The following CLDN14 variants were observed in gnomAD, a reference collection of about 807,000 sequenced individuals.
CLDN14 encodes the protein claudin 14.
In CLDN14, 2 loss-of-function variants were observed where a neutral mutation model predicts 2.1. The ratio of observed to expected loss-of-function variants is 0.96; its 90% CI spans 0.39 to 3.01. The LOEUF (loss-of-function observed/expected upper bound fraction) is 3.01. CLDN14 is among the 30% of genes most tolerant of loss of function. CLDN14 has a pLI of 0.09. For synonymous variants in CLDN14, 136 were observed against 154.4 expected (o/e 0.88, Z 0.88); for missense variants, 298 against 328.0 (o/e 0.91, Z 0.71).
intron 1 of CLDN14, among the ~76,000 whole-genome samples, chr21:36,464,051 G>A (rs555405846): frequency 7.9e-5 from 12 of 152,324 alleles, no homozygotes. Flanking sequence ...AGTGTTGGAG[G>A]AAGGGCCTGG....
rs1372614217 is a variant in CLDN14 at position 36,551,985 on chromosome 21, G to A, written c.-220+24426C>T. ...TAGGAAAGGAGGTGGTTTCATGTGA[G>A]ATTTCTACAGTTTGCTAACAGTAAA... On this transcript the variant is annotated intron_variant, in intron 1 of 2. Transcript: ENST00000342108. This position sits in a 1 kb window ranked among gnomAD's most constrained non-coding sequence, Gnocchi z 4.8. 6.6e-6 allele frequency among the ~76,000 whole-genome samples: 1 copy of A among 152,148 alleles called. No homozygotes were observed. Among genetic ancestry groups the A allele is most frequent in the Non-Finnish European group, 1.5e-5 (1 of 68,032 alleles).
intron 1 of CLDN14, among the ~76,000 whole-genome samples, chr21:36,568,272 C>G (rs116961326): frequency 1.3e-5 from 2 of 152,178 alleles, no homozygotes; most frequent in East Asian, 1.9e-4. Flanking sequence ...ACATGGGATG[C>G]CCTGCTCAGA....
chr21:36,471,844 G>T (rs998921335), intron 1 of CLDN14, among the ~76,000 whole-genome samples: 1 of 3,080 alleles, frequency 3.2e-4, no homozygotes, highest in Non-Finnish European at 7.0e-4. Context: ...TGGTTAAAAT[G>T]TGTCAAATGA....
At chr21:36,563,757 C>G (rs1354609330) in intron 1 of CLDN14, among the ~76,000 whole-genome samples, 3 of 152,162 alleles carry the variant, frequency 2.0e-5, no homozygotes, top group Admixed American at 2.0e-4. Flanking sequence ...AGCCTTTTGG[C>G]AGACAGGGCT....
At chr21:36,517,740 G>A (rs1386653145) in intron 1 of CLDN14, among the ~76,000 whole-genome samples, 2 of 152,334 alleles carry the variant, frequency 1.3e-5, no homozygotes, top group East Asian at 3.9e-4. Context: ...AACTTGGCTA[G>A]GCCATGGTGC....
intron 1 of CLDN14, among the ~76,000 whole-genome samples, chr21:36,519,483 G>T (rs1480907873): frequency 6.6e-6 from 1 of 152,172 alleles, no homozygotes; most frequent in Non-Finnish European, 1.5e-5. Context: ...GGCTGAGGCG[G>T]GTGGATCACC....
At chr21:36,481,739 C>T (rs1219294538), upstream of CLDN14, among the ~76,000 whole-genome samples, 3 of 152,184 alleles carry the variant, frequency 2.0e-5, no homozygotes. Flanking sequence ...GTGACCCTGG[C>T]CCAAGGCTCC....
rs911535960 is a variant in CLDN14 at position 36,479,998 on chromosome 21, T to C, written c.-585A>G. The C allele has an allele frequency of 6.6e-6, 1 of 152,326 alleles. No individual in the cohort carries two copies. Among genetic ancestry groups the C allele is most frequent in the Non-Finnish European group, 1.5e-5 (1 of 68,138 alleles). The allele number at this position is 152,326 out of a possible 1,614,324, so 9.4% of individuals were successfully genotyped here. Reference sequence around the variant, plus strand: ...CCTGTGTCCTGGAACTGCCTGATTGTTGTAGATTACTAAAAATCCACAGCT... The same window carrying C: ...CCTGTGTCCTGGAACTGCCTGATTGCTGTAGATTACTAAAAATCCACAGCT... On this transcript the variant is annotated 5_prime_UTR_variant, in exon 1 of 2. Coordinates refer to ENST00000399135, the MANE Select transcript of CLDN14 (RefSeq NM_001146079.2).
chr21:36,490,489 A>G (rs184756976), intron 2 of CLDN14, among the ~76,000 whole-genome samples: 116 of 149,846 alleles, frequency 7.7e-4, no homozygotes, highest in Middle Eastern at 3.5e-3. Context: ...CCTGGGTTCA[A>G]GTGATTCTCC....
At chr21:36,567,464 A>G (rs2087681184) in intron 1 of CLDN14, among the ~76,000 whole-genome samples, 1 of 152,226 alleles carries the variant, frequency 6.6e-6, no homozygotes, top group Admixed American at 6.5e-5. Flanking sequence ...ATGTCTATTC[A>G]CATATTCTGA....
Position 36,479,993 on chromosome 21 carries a change from G to A in CLDN14, c.-580C>T, listed in dbSNP as rs1331924384. 1 of 152,298 alleles carries A rather than the reference G, an allele frequency of 6.6e-6. No individual in the cohort carries two copies. 9.4% of individuals were successfully genotyped at this position (152,298 alleles called of 1,614,324 possible). A position where few individuals can be genotyped will look rare whatever the true frequency, so the allele number is the denominator to read the frequency against. The stretch of plus-strand genomic sequence containing the variant: ...ACTTCCCTGTGTCCTGGAACTGCCT[G>A]ATTGTTGTAGATTACTAAAAATCCA... On this transcript the variant is annotated 5_prime_UTR_variant, in exon 1 of 2. An upstream open reading frame in the 5' UTR gains an earlier in-frame stop. Transcript: ENST00000399135.
In CLDN14 at chr21:36,461,668, C is replaced by A. The variant is rs772295911; in HGVS notation, c.28G>T (p.Gly10Cys). The A allele has an allele frequency of 1.3e-6, 2 of 1,558,650 alleles. No individual in the cohort carries two copies. The highest frequency in any genetic ancestry group is 1.4e-5 in the African/African-American group (1 of 73,346). Residue 10 changes from glycine to cysteine, a missense_variant, in exon 2 of 2, where the codon GGC (glycine) becomes TGC (cysteine). Coordinates refer to ENST00000399135, the MANE Select transcript of CLDN14 (RefSeq NM_001146079.2). Reference protein sequence around the residue: MASTAVQLLGFLLSFLGMVG... With the variant: MASTAVQLLCFLLSFLGMVG... ...ATGCCCAGGAAGCTGAGCAGGAAGC[C>A]CAGAAGCTGCACGGCCGTGCTGGCC...
intron 1 of CLDN14, among the ~76,000 whole-genome samples, chr21:36,467,107 G>C (rs768915511): frequency 6.6e-6 from 1 of 152,168 alleles, no homozygotes; most frequent in Non-Finnish European, 1.5e-5. Flanking sequence ...ACTGGCTCTG[G>C]TTTCAGGATC....
chr21:36,473,804 C>G (rs962082174), intron 1 of CLDN14, among the ~76,000 whole-genome samples: 2 of 152,166 alleles, frequency 1.3e-5, no homozygotes. Context: ...GGAAGAGGAG[C>G]CAGCCACGGG....
At chr21:36,494,189 C>CA (rs2086994750) in intron 2 of CLDN14, among the ~76,000 whole-genome samples, 2 of 152,186 alleles carry the variant, frequency 1.3e-5, no homozygotes, top group Admixed American at 1.3e-4. Context: ...CAGCGGGGGA[C>CA]TGTGAGATTT....
intron 1 of CLDN14, among the ~76,000 whole-genome samples, chr21:36,474,585 C>T (rs968426811): frequency 3.9e-5 from 6 of 152,100 alleles, no homozygotes; most frequent in African/African-American, 1.2e-4. Flanking sequence ...GCCAGATTGC[C>T]AAAGGAATCC....
chr21:36,569,993 C>T (rs1250679647), intron 1 of CLDN14, among the ~76,000 whole-genome samples: 1 of 152,168 alleles, frequency 6.6e-6, no homozygotes, highest in African/African-American at 2.4e-5. Flanking sequence ...ATGACATGTG[C>T]CCACGGCGGT....
intron 1 of CLDN14, among the ~76,000 whole-genome samples, chr21:36,513,802 C>T (rs2087203024): frequency 6.6e-6 from 1 of 152,018 alleles, no homozygotes; most frequent in Non-Finnish European, 1.5e-5. Context: ...TCAGTCTGGC[C>T]CCTGGGATAA....
chr21:36,496,246 G>A (rs1428485170), intron 2 of CLDN14, among the ~76,000 whole-genome samples: 1 of 151,800 alleles, frequency 6.6e-6, no homozygotes, highest in Non-Finnish European at 1.5e-5. Context: ...GATCAGCCTG[G>A]GCAACATAGT....
Sources: allele counts gnomAD v4.1 joint callset (sites outside exome capture counted in the v4.1 genomes callset), GRCh38; gene constraint gnomAD v4.1.1; non-coding constraint Gnocchi (gnomAD v3.1); transcripts MANE v1.5; gene names NCBI Gene and HGNC (gene_info 2026-07-23, HGNC 2026-07-21).